The following KIF18B variants were observed in gnomAD, a reference collection of about 807,000 sequenced individuals.
The protein encoded by KIF18B is kinesin family member 18B.
Under a neutral mutation model 80.9 loss-of-function variants are expected in KIF18B, and 49 were observed. That is an observed-to-expected ratio of 0.61 (90% CI 0.48 to 0.77). The LOEUF (loss-of-function observed/expected upper bound fraction) is 0.77, where lower values mean the gene tolerates loss of function less well. Ranked by LOEUF, KIF18B falls within the 30% of genes least tolerant of loss-of-function variation. KIF18B has a pLI of 0.00. For missense variants in KIF18B, 994 were observed against 1,127.7 expected (o/e 0.88, Z 1.70); for synonymous variants, 439 against 463.9 (o/e 0.95, Z 0.69).
chr17:44,932,450 G>A (rs2052177324), intron 9 of KIF18B: 4 of 594,420 alleles, frequency 6.7e-6, no homozygotes, highest in South Asian at 4.3e-5. Flanking sequence ...ACCTTCTCTC[G>A]AATAGTAGGC....
At chr17:44,946,958 A>T (rs1567803243) in intron 1 of KIF18B, among the ~76,000 whole-genome samples, 1 of 151,548 alleles carries the variant, frequency 6.6e-6, no homozygotes, top group African/African-American at 2.4e-5. Flanking sequence ...AAAATACAAA[A>T]ATTAGCTGAA....
Position 44,934,379 on chromosome 17 carries a change from C to A in KIF18B, c.739G>T (p.Val247Leu). 2.5e-6 allele frequency: 4 copies of A among 1,606,502 alleles called. No homozygotes were observed. Among genetic ancestry groups the A allele is most frequent in the Non-Finnish European group, 3.4e-6 (4 of 1,176,352 alleles). The change falls in exon 6 of 16, where the codon GTG becomes TTG. Residue 247 changes from valine to leucine, a missense_variant. Coordinates refer to ENST00000593135, the MANE Select transcript of KIF18B (RefSeq NM_001265577.2). This position sits in a 1 kb window ranked among gnomAD's most constrained non-coding sequence, Gnocchi z 5.4. Reference protein sequence around the residue: ...RVPGLTQAVQVAKMSLIDLAG... With the variant: ...RVPGLTQAVQLAKMSLIDLAG... ...AGGTCAATCAGGCTCATCTTGGCCA[C>A]CTGGACAGCCTGGGTCAGTCCTGGA...
chr17:44,934,351 G>A lies in KIF18B; in HGVS notation c.767C>T (p.Ala256Val), dbSNP rs1296857539. Residue 256 changes from alanine to valine, a missense_variant, in exon 6 of 16, where the codon GCT (alanine) becomes GTT (valine). By Grantham distance (64) the Ala-to-Val change is moderately conservative (BLOSUM62 0). Transcript: ENST00000593135. This position sits in a 1 kb window ranked among gnomAD's most constrained non-coding sequence, Gnocchi z 5.4. ...GGTGCTGGATGCCCGCTCTGAGCCA[G>A]CCAGGTCAATCAGGCTCATCTTGGC... ...QVAKMSLIDL[A>V]GSERASSTHA... 2 of 1,607,848 alleles carry A rather than the reference G, an allele frequency of 1.2e-6. No homozygotes were observed. The highest frequency in any genetic ancestry group is 8.5e-7 in the Non-Finnish European group (1 of 1,177,042).
At chr17:44,943,557 T>C (rs931342224) in intron 1 of KIF18B, among the ~76,000 whole-genome samples, 1 of 152,214 alleles carries the variant, frequency 6.6e-6, no homozygotes, top group Non-Finnish European at 1.5e-5. Flanking sequence ...ATAGTGAGTA[T>C]CCTTGCCCCT....
chr17:44,928,262 G>T lies in KIF18B; in HGVS notation c.2040C>A (p.Ala680=). The T allele has an allele frequency of 6.2e-7, 1 of 1,613,510 alleles. No individual in the cohort carries two copies. The change falls in exon 13 of 16, where the codon GCC becomes GCA. Residue 680 remains alanine (A), a synonymous_variant. Coordinates refer to ENST00000593135, the MANE Select transcript of KIF18B (RefSeq NM_001265577.2). ...QGPSTPKGER[A]SSPCHSPRVC... is the part of the protein sequence containing the mutation. ...CGCGAGGGGAATGGCAGGGGGAGGA[G>T]GCCCTTTCTCCTTTGGGGGTGCTGG...
intron 1 of KIF18B, among the ~76,000 whole-genome samples, chr17:44,938,751 A>G (rs547605789): frequency 2.8e-4 from 42 of 152,356 alleles, no homozygotes; most frequent in Middle Eastern, 6.8e-3. Context: ...TCTCATAGAA[A>G]CATGAATTTG....
At chr17:44,926,240 C>T (rs2052022849) in intron 15 of KIF18B, 54 bp from the exon 16 acceptor site, 7 of 1,607,588 alleles carry the variant, frequency 4.4e-6, no homozygotes, top group Non-Finnish European at 5.9e-6. Context: ...GAAAGTGACG[C>T]TCTGTCCCCG....
Position 44,928,468 on chromosome 17 carries a change from C to A in KIF18B, c.1834G>T (p.Gly612Ter). The change falls in exon 13 of 16, where the codon GGA becomes TGA. Residue 612 changes from glycine to a stop codon, truncating the protein, a stop_gained. Coordinates refer to ENST00000593135, the MANE Select transcript of KIF18B (RefSeq NM_001265577.2). LOFTEE classifies it high-confidence loss of function. Reference sequence around the variant, plus strand: ...CCCTGGGCTGGGGTGCAGTTGGGTCCAGGCGGGATTCCCAGGGTGTGCAGG... The same window carrying A: ...CCCTGGGCTGGGGTGCAGTTGGGTCAAGGCGGGATTCCCAGGGTGTGCAGG... Reference protein sequence around the residue: ...GPLHTLGIPPGPNCTPAQGSR... With the variant: ...GPLHTLGIPP The A allele has an allele frequency of 6.5e-7, 1 of 1,529,422 alleles. No individual in the cohort carries two copies. The highest frequency in any genetic ancestry group is 8.7e-7 in the Non-Finnish European group (1 of 1,142,882). 94.7% of individuals were successfully genotyped at this position (1,529,422 alleles called of 1,614,324 possible). A position where few individuals can be genotyped will look rare whatever the true frequency, so the allele number is the denominator to read the frequency against.
chr17:44,927,794 C>G lies in KIF18B; in HGVS notation c.2276+232G>C, dbSNP rs1223802169. Among the ~76,000 whole-genome samples, 1 of 152,206 alleles carries G rather than the reference C, an allele frequency of 6.6e-6. No individual in the cohort carries two copies. Among genetic ancestry groups the G allele is most frequent in the East Asian group, 1.9e-4 (1 of 5,198 alleles). ...TACTCATGAGCATGCTACAAACCAGCACAGAGTGGGTGGCTTTGCAGCATG... is the reference window on the plus strand; with the variant it reads ...TACTCATGAGCATGCTACAAACCAGGACAGAGTGGGTGGCTTTGCAGCATG... On this transcript the variant is annotated intron_variant, in intron 13 of 15. Coordinates refer to ENST00000593135, the MANE Select transcript of KIF18B (RefSeq NM_001265577.2). The surrounding 1 kb of genome is among the most constrained non-coding windows in gnomAD (Gnocchi z 4.1).
Position 44,936,118 on chromosome 17 carries a change from A to C in KIF18B, c.227T>G (p.Phe76Cys). Reference sequence around the variant, plus strand: ...GTCCTGTTGGGTGGCCGCCTCGCCAAAGACCCGGTCAAAGACAAACGTCAG... The same window carrying C: ...GTCCTGTTGGGTGGCCGCCTCGCCACAGACCCGGTCAAAGACAAACGTCAG... Reference protein sequence around the residue: ...KDLTFVFDRVFGEAATQQDVF... With the variant: ...KDLTFVFDRVCGEAATQQDVF... The change falls in exon 2 of 16, where the codon TTT becomes TGT. Residue 76 changes from phenylalanine to cysteine, a missense_variant. Coordinates refer to ENST00000593135, the MANE Select transcript of KIF18B (RefSeq NM_001265577.2). 4 of 1,613,826 alleles carry C rather than the reference A, an allele frequency of 2.5e-6. No individual in the cohort carries two copies. The South Asian group carries it at 4.4e-5, about 18-fold the overall frequency.
intron 1 of KIF18B, among the ~76,000 whole-genome samples, chr17:44,945,188 G>C (rs1183733439): frequency 6.6e-6 from 1 of 152,154 alleles, no homozygotes; most frequent in Non-Finnish European, 1.5e-5. Flanking sequence ...AGTCTCCTGA[G>C]TAGCTGGGAA....
Position 44,928,066 on chromosome 17 carries a change from G to A in KIF18B, c.2236C>T (p.Pro746Ser), listed in dbSNP as rs1320634385. 1 of 1,535,900 alleles carries A rather than the reference G, an allele frequency of 6.5e-7. No individual in the cohort carries two copies. Reference sequence around the variant, plus strand: ...TGGTCCAGCCTGCTCAGCTCCTGGGGTATTTTGTCCCAGCCAATGCATTCA... The same window carrying A: ...TGGTCCAGCCTGCTCAGCTCCTGGGATATTTTGTCCCAGCCAATGCATTCA... ...FHECIGWDKI[P>S]QELSRLDQPF... The change falls in exon 13 of 16, where the codon CCC becomes TCC. Residue 746 changes from proline (P) to serine (S), a missense_variant. Pro to Ser is a moderately conservative substitution (Grantham distance 74). Coordinates refer to ENST00000593135, the MANE Select transcript of KIF18B (RefSeq NM_001265577.2).
In KIF18B at chr17:44,932,045, C is replaced by G; in HGVS notation, c.1389+11G>C. On this transcript the variant is annotated intron_variant, in intron 10 of 15. Coordinates refer to ENST00000593135, the MANE Select transcript of KIF18B (RefSeq NM_001265577.2). ...CTCCCGATACCCAGGCCTCACACCC[C>G]CAAGTCCTACCTCCTCAGCTGGGCC... 2 of 1,603,910 alleles carry G rather than the reference C, an allele frequency of 1.2e-6. No homozygotes were observed. The highest frequency in any genetic ancestry group is 1.7e-6 in the Non-Finnish European group (2 of 1,173,486).
At position 44,932,111 on chromosome 17, in the gene KIF18B, T is replaced by C; in HGVS notation, c.1334A>G (p.Asn445Ser). ...TGGGGACTGCTCCTGGTCTGAAGAG[T>C]TCCCTTCCATGGCCCTCTCCACCTG... The part of the protein sequence containing the change: ...EAQVERAMEG[N>S]SSDQEQSPED... The change falls in exon 10 of 16, where the codon AAC becomes AGC. Residue 445 changes from asparagine to serine, a missense_variant. Transcript: ENST00000593135. 1 of 1,613,840 alleles carries C rather than the reference T, an allele frequency of 6.2e-7. No individual in the cohort carries two copies. The highest frequency in any genetic ancestry group is 1.3e-5 in the African/African-American group (1 of 75,018).
Position 44,934,095 on chromosome 17 carries a change from C to T in KIF18B, c.890G>A (p.Arg297His), listed in dbSNP as rs1451165440. 5.0e-6 allele frequency: 8 copies of T among 1,611,654 alleles called. No individual in the cohort carries two copies. The highest frequency in any genetic ancestry group is 2.7e-5 in the African/African-American group (2 of 74,878). Reference protein sequence around the residue: ...VLNALADAKGRKTHVPYRDSK... With the variant: ...VLNALADAKGHKTHVPYRDSK... The stretch of plus-strand genomic sequence containing the variant: ...GTCCCGGTAGGGCACATGGGTCTTG[C>T]GGCCCTGGGGGGCAGTAAGCAGGTG... Residue 297 changes from arginine to histidine, a missense_variant, in exon 7 of 16, where the codon CGC (arginine) becomes CAC (histidine). Transcript: ENST00000593135. This position sits in a 1 kb window ranked among gnomAD's most constrained non-coding sequence, Gnocchi z 5.4.
chr17:44,941,505 A>T (rs1178609357), intron 1 of KIF18B, among the ~76,000 whole-genome samples: 1 of 151,750 alleles, frequency 6.6e-6, no homozygotes, highest in Non-Finnish European at 1.5e-5. Flanking sequence ...CGGCCAGGTA[A>T]TTTTTGTATT....
chr17:44,936,624 ATTTTTTTTTTTTT>A (rs72105429), intron 1 of KIF18B, among the ~76,000 whole-genome samples: 7 of 27,906 alleles, frequency 2.5e-4, no homozygotes, highest in Admixed American at 7.0e-4. Flanking sequence ...ATATATATAT[ATTTTTTTTTTTTT>A]TTTTTTTTTT....
chr17:44,944,590 A>G (rs986709462), intron 1 of KIF18B, among the ~76,000 whole-genome samples: 4 of 152,174 alleles, frequency 2.6e-5, no homozygotes, highest in African/African-American at 9.7e-5. Context: ...ATCGTAAAAT[A>G]GACCCAATAT....
Position 44,924,828 on chromosome 17 carries a change from G to A in KIF18B, c.*1252C>T, listed in dbSNP as rs2051992045. 6.6e-6 allele frequency: 1 copy of A among 151,048 alleles called. No homozygotes were observed. The highest frequency in any genetic ancestry group is 1.5e-5 in the Non-Finnish European group (1 of 67,878). The allele number at this position is 151,048 out of a possible 1,614,324, so 9.4% of individuals were successfully genotyped here. A position where few individuals can be genotyped will look rare whatever the true frequency, so the allele number is the denominator to read the frequency against. The stretch of plus-strand genomic sequence containing the variant: ...GTATCATTAGCATTTATATCTAGGT[G>A]CAGCATTAAGCCTGAATTCCCCTTT... On this transcript the variant is annotated 3_prime_UTR_variant, in exon 16 of 16. Coordinates refer to ENST00000593135, the MANE Select transcript of KIF18B (RefSeq NM_001265577.2).
Sources: gnomAD v4.1 joint callset for allele counts (sites outside exome capture counted in the v4.1 genomes callset) on GRCh38, gnomAD v4.1.1 for gene constraint, Gnocchi (gnomAD v3.1) non-coding constraint, MANE v1.5 for transcripts, NCBI Gene and HGNC (gene_info 2026-07-23, HGNC 2026-07-21) for gene names.